The following TYW1 variants were observed in gnomAD, a reference collection of about 807,000 sequenced individuals.
The protein encoded by TYW1 is tRNA-yW synthesizing protein 1 homolog, also known as S-adenosyl-L-methionine-dependent tRNA 4-demethylwyosine synthase TYW1.
In TYW1, 46 loss-of-function variants were observed where a neutral mutation model predicts 96.2. The observed-to-expected ratio is 0.48, with a 90% CI of 0.38 to 0.61. TYW1 has a LOEUF of 0.61. TYW1 is among the 20% of genes least tolerant of loss of function. The pLI, the probability that TYW1 is intolerant of heterozygous loss-of-function variation, is 0.00. For synonymous variants in TYW1, 274 were observed against 323.0 expected, an observed-to-expected ratio of 0.85 and a Z score of 1.63; for missense variants, 684 against 909.6, an observed-to-expected ratio of 0.75 and a Z score of 3.19.
At chr7:67,067,863 A>G (rs1795913663) in intron 10 of TYW1, among the ~76,000 whole-genome samples, 1 of 151,952 alleles carries the variant, frequency 6.6e-6, no homozygotes, top group African/African-American at 2.4e-5. Context: ...ACAAGCAGTG[A>G]ATGTTGTTTT....
intron 15 of TYW1, among the ~76,000 whole-genome samples, chr7:67,224,903 A>T (rs907369600): frequency 6.6e-6 from 1 of 152,144 alleles, no homozygotes; most frequent in African/African-American, 2.4e-5. Flanking sequence ...AAATGAGTAC[A>T]AGTCTAGCTG....
intron 13 of TYW1, among the ~76,000 whole-genome samples, chr7:67,173,439 G>A (rs1799574112): frequency 1.3e-5 from 2 of 152,120 alleles, no homozygotes; most frequent in African/African-American, 2.4e-5. Context: ...CTCGATTGAC[G>A]ATATATTCAG....
chr7:67,014,285 T>A, intron 4 of TYW1, 82 bp from the exon 5 acceptor site: 1 of 1,501,204 alleles, frequency 6.7e-7, no homozygotes. Context: ...TTGAGATGAG[T>A]ATGCTTTTTT....
intron 11 of TYW1, among the ~76,000 whole-genome samples, chr7:67,096,932 A>G (rs1035167776): frequency 1.3e-5 from 2 of 152,202 alleles, no homozygotes; most frequent in Admixed American, 6.5e-5. Flanking sequence ...ACCAAGCTGC[A>G]TGCTGGAATC....
At chr7:67,073,124 G>T (rs1796086553) in intron 10 of TYW1, among the ~76,000 whole-genome samples, 1 of 151,660 alleles carries the variant, frequency 6.6e-6, no homozygotes, top group African/African-American at 2.4e-5. Flanking sequence ...TCGAGATGTG[G>T]TAAGAACAAA....
intron 15 of TYW1, among the ~76,000 whole-genome samples, chr7:67,199,577 T>C (rs912630113): frequency 6.6e-6 from 1 of 152,240 alleles, no homozygotes; most frequent in African/African-American, 2.4e-5. Context: ...GTACCACTCC[T>C]TCCACATTTG....
At chr7:67,113,544 G>A (rs117098454) in intron 12 of TYW1, among the ~76,000 whole-genome samples, 5,071 of 152,270 alleles carry the variant, frequency 0.033, 118 homozygotes, top group Non-Finnish European at 0.051. Flanking sequence ...TGCCATCATG[G>A]TGCAGAGTTA....
At chr7:67,106,509 A>G (rs113391616) in intron 12 of TYW1, among the ~76,000 whole-genome samples, 9,766 of 152,106 alleles carry the variant, frequency 0.064, 434 homozygotes, top group South Asian at 0.11. Context: ...GTTGTAAGGC[A>G]AGGAAGTTGT....
At chr7:67,205,779 G>A (rs1749995146) in intron 15 of TYW1, among the ~76,000 whole-genome samples, 1 of 148,570 alleles carries the variant, frequency 6.7e-6, no homozygotes, top group South Asian at 2.2e-4. Flanking sequence ...TAAGAGAGCA[G>A]CCTTTACTTG....
In TYW1 at chr7:66,998,813, C is replaced by T. The variant is rs774232676; in HGVS notation, c.136-4C>T. The T allele has an allele frequency of 3.1e-6, 5 of 1,613,550 alleles. No homozygotes were observed. In the African/African-American group the frequency reaches 4.0e-5, roughly 13 times the overall value. ...TGGATTTTGTGTAATTATTTGTCTT[C>T]AAGGGCAAGAACTTACAGGAAAAAT... On this transcript the variant is annotated splice_polypyrimidine_tract_variant and splice_region_variant and intron_variant, in intron 2 of 15. Transcript: ENST00000359626.
At chr7:67,061,424 A>G (rs1377411531) in intron 9 of TYW1, among the ~76,000 whole-genome samples, 2 of 152,294 alleles carry the variant, frequency 1.3e-5, no homozygotes, top group South Asian at 4.1e-4. Context: ...TAGAGACATA[A>G]CTTTTTCTTC....
At chr7:67,067,156 G>A (rs1176831859) in intron 9 of TYW1, 129 bp from the exon 10 acceptor site, 14 of 1,069,058 alleles carry the variant, frequency 1.3e-5, no homozygotes, top group East Asian at 9.7e-5. Flanking sequence ...AATTTCCTGC[G>A]TCATGCAGTT....
intron 15 of TYW1, among the ~76,000 whole-genome samples, chr7:67,235,981 A>T (rs577217855): frequency 1.3e-5 from 2 of 151,806 alleles, no homozygotes. Flanking sequence ...TTAAGTTCCT[A>T]TATTCACAGA....
At chr7:67,176,672 G>T (rs1057085881) in intron 13 of TYW1, among the ~76,000 whole-genome samples, 4 of 152,176 alleles carry the variant, frequency 2.6e-5, no homozygotes, top group Non-Finnish European at 5.9e-5. Context: ...GGTTGTATAT[G>T]TTTGTGGAAA....
At chr7:67,135,999 T>G (rs1476670107) in intron 13 of TYW1, among the ~76,000 whole-genome samples, 2 of 152,248 alleles carry the variant, frequency 1.3e-5, no homozygotes, top group African/African-American at 4.8e-5. Context: ...CATCTTATCT[T>G]CATACCTTTT....
chr7:67,059,622 G>T (rs1465284994), intron 9 of TYW1, among the ~76,000 whole-genome samples: 1 of 146,548 alleles, frequency 6.8e-6, no homozygotes, highest in East Asian at 2.0e-4. Context: ...TCATTACCAG[G>T]CATACAAGAT....
chr7:67,021,020 G>C (rs371289111), intron 6 of TYW1, among the ~76,000 whole-genome samples: 2 of 152,260 alleles, frequency 1.3e-5, no homozygotes, highest in African/African-American at 4.8e-5. Context: ...AGAGCGAGAC[G>C]CTGTCTCCAA....
At chr7:67,195,460 A>G (rs1674241146) in intron 15 of TYW1, 123 bp downstream of exon 15, 1 of 1,437,966 alleles carries the variant, frequency 7.0e-7, no homozygotes, top group African/African-American at 1.4e-5. Context: ...ACCTTTCCCA[A>G]AACAAAAATA....
At chr7:67,075,260 A>G (rs1038741594) in intron 10 of TYW1, among the ~76,000 whole-genome samples, 9 of 152,178 alleles carry the variant, frequency 5.9e-5, no homozygotes, top group South Asian at 2.1e-4. Context: ...TTAAAATTTT[A>G]TTTTAAGGTT....
Sources: allele counts gnomAD v4.1 joint callset (sites outside exome capture counted in the v4.1 genomes callset), GRCh38; gene constraint gnomAD v4.1.1; transcripts MANE v1.5; gene names NCBI Gene and HGNC (gene_info 2026-07-23, HGNC 2026-07-21).